The following MRTFA variants were observed in gnomAD, a reference collection of about 807,000 sequenced individuals.
MRTFA encodes myocardin related transcription factor A, also known as myocardin-related transcription factor A.
In MRTFA, 20 loss-of-function variants were observed where a neutral mutation model predicts 83.5. The observed-to-expected ratio is 0.24, with a 90% confidence interval of 0.17 to 0.35. MRTFA has a LOEUF of 0.35. Ranked by LOEUF, MRTFA falls within the 10% of genes least tolerant of loss-of-function variation. The pLI, the probability that MRTFA is intolerant of heterozygous loss-of-function variation, is 1.00. For synonymous variants in MRTFA, 659 were observed against 541.2 expected, an observed-to-expected ratio of 1.22 and a Z score of -3.02; for missense variants, 1,200 against 1,224.7, an observed-to-expected ratio of 0.98 and a Z score of 0.30.
At chr22:40,565,585 T>G (rs866780138) in intron 2 of MRTFA, among the ~76,000 whole-genome samples, 7 of 152,126 alleles carry the variant, frequency 4.6e-5, no homozygotes, top group African/African-American at 1.7e-4. Context: ...GGGGTAGACC[T>G]GACTTTCATT....
intron 3 of MRTFA, among the ~76,000 whole-genome samples, chr22:40,534,649 C>T (rs1284452251): frequency 6.6e-6 from 1 of 152,172 alleles, no homozygotes; most frequent in Non-Finnish European, 1.5e-5. Flanking sequence ...GCTGGGATTA[C>T]AGGCATGAGC....
chr22:40,501,992 C>A (rs1488915754), intron 3 of MRTFA, among the ~76,000 whole-genome samples: 2 of 127,016 alleles, frequency 1.6e-5, no homozygotes, highest in Admixed American at 7.3e-5. Flanking sequence ...CTGACCCCCC[C>A]ACCTCCCTCC....
intron 4 of MRTFA, among the ~76,000 whole-genome samples, chr22:40,448,749 T>C (rs1361436912): frequency 1.3e-5 from 2 of 152,196 alleles, no homozygotes; most frequent in African/African-American, 4.8e-5. Context: ...TCAAACTCCA[T>C]CCAAAGTTAA....
rs1336125176 is a variant in MRTFA, at chr22:40,416,329, C to T, written c.2578+657G>A. Among the ~76,000 whole-genome samples the T allele has an allele frequency of 2.0e-5, 3 of 152,260 alleles. No individual in the cohort carries two copies. The highest frequency in any genetic ancestry group is 1.9e-4 in the East Asian group (1 of 5,202). The stretch of plus-strand genomic sequence containing the variant: ...CTGGGCCAAAGCCCAGCTCTCCAGT[C>T]GCCCCCCAACCTGGGGCTCCCTGCT... On this transcript the variant is annotated intron_variant, in intron 14 of 14. Transcript: ENST00000355630. The surrounding 1 kb of genome is among the most constrained non-coding windows in gnomAD (Gnocchi z 4.2).
At chr22:40,519,523 C>T (rs1311181763) in intron 3 of MRTFA, 1 of 1,350,586 alleles carries the variant, frequency 7.4e-7, no homozygotes. Context: ...TTAACTCCAA[C>T]CTCCTTGTGT....
At chr22:40,565,163 C>T (rs79499580) in intron 2 of MRTFA, among the ~76,000 whole-genome samples, 4 of 152,198 alleles carry the variant, frequency 2.6e-5, no homozygotes, top group Admixed American at 1.3e-4. Context: ...TCCCAACAAG[C>T]CCCTACCATG....
At chr22:40,526,136 C>T (rs1388249209) in intron 3 of MRTFA, 4 of 152,192 alleles carry the variant, frequency 2.6e-5, no homozygotes, top group African/African-American at 9.7e-5. Context: ...CCCACTCAGC[C>T]TCCTGTGTAG....
At chr22:40,442,195 G>A (rs1483801453) in intron 4 of MRTFA, among the ~76,000 whole-genome samples, 1 of 152,200 alleles carries the variant, frequency 6.6e-6, no homozygotes, top group Non-Finnish European at 1.5e-5. Flanking sequence ...GAAGGAATAT[G>A]TATTAAGTGT....
At position 40,411,564 on chromosome 22, in the gene MRTFA, G is replaced by A; in HGVS notation, c.2922C>T (p.Ser974=). ...CATCAGCCAGGTCCAGGCCCATGGTGCTGCTGGGCTCAGGAACAAAGTGCA... is the reference window on the plus strand; with the variant it reads ...CATCAGCCAGGTCCAGGCCCATGGTACTGCTGGGCTCAGGAACAAAGTGCA... The change falls in exon 15 of 15, where the codon AGC becomes AGT. Residue 974 remains serine (S), a synonymous_variant. Coordinates refer to ENST00000355630, the MANE Select transcript of MRTFA (RefSeq NM_020831.6). The A allele has an allele frequency of 6.2e-7, 1 of 1,613,842 alleles. No homozygotes were observed. The highest frequency in any genetic ancestry group is 8.5e-7 in the Non-Finnish European group (1 of 1,179,964).
chr22:40,558,910 C>T (rs747996436), intron 2 of MRTFA, among the ~76,000 whole-genome samples: 6 of 151,658 alleles, frequency 4.0e-5, no homozygotes, highest in Admixed American at 1.3e-4. Flanking sequence ...CTCAGCCTCC[C>T]GAGTAGCTGG....
chr22:40,485,369 C>T (rs142820550), intron 3 of MRTFA, among the ~76,000 whole-genome samples: 17 of 152,260 alleles, frequency 1.1e-4, no homozygotes, highest in African/African-American at 2.9e-4. Flanking sequence ...TCTGCCTCTT[C>T]GATGCTTCTC....
In MRTFA at chr22:40,420,463, T is replaced by A. The variant is rs1323649965; in HGVS notation, c.1295A>T (p.Asn432Ile). ...CGGCTTGCCAGTCAGTGAGGTGCTGTTCTGACGTGCCAGCCCACAGGGCCC... is the reference window on the plus strand; with the variant it reads ...CGGCTTGCCAGTCAGTGAGGTGCTGATCTGACGTGCCAGCCCACAGGGCCC... The change falls in exon 11 of 15, where the codon AAC becomes ATC. Residue 432 changes from asparagine to isoleucine, a missense_variant. By Grantham distance (149) the Asn-to-Ile change is moderately radical (BLOSUM62 -3). Transcript: ENST00000355630. The A allele has an allele frequency of 3.1e-6, 5 of 1,613,664 alleles. No homozygotes were observed. In the South Asian group the frequency reaches 4.4e-5, roughly 14 times the overall value.
At chr22:40,414,224 T>A (rs2052627947) in intron 14 of MRTFA, among the ~76,000 whole-genome samples, 1 of 152,118 alleles carries the variant, frequency 6.6e-6, no homozygotes. Context: ...GTGCCTGTAG[T>A]CCCGGCTACT....
At chr22:40,531,294 G>A (rs1202851683) in intron 3 of MRTFA, among the ~76,000 whole-genome samples, 1 of 61,986 alleles carries the variant, frequency 1.6e-5, no homozygotes, top group African/African-American at 6.1e-5. Flanking sequence ...TTAATTTTTT[G>A]TAGAGATGGG....
In MRTFA at chr22:40,506,653, C is replaced by T. The variant is rs147063329; in HGVS notation, c.242-43367G>A. ...AGAATCTTAGGCAAATAATAATTCTCTAAATGGGGGGGTGATGAATCATGA... is the reference window on the plus strand; with the variant it reads ...AGAATCTTAGGCAAATAATAATTCTTTAAATGGGGGGGTGATGAATCATGA... On this transcript the variant is annotated intron_variant, in intron 3 of 14. Coordinates refer to ENST00000355630, the MANE Select transcript of MRTFA (RefSeq NM_020831.6). Among the ~76,000 whole-genome samples the T allele has an allele frequency of 2.9e-3, 446 of 152,304 alleles. 4 individuals carry two copies. Among genetic ancestry groups the T allele is most frequent in the African/African-American group, 0.01 (425 of 41,570 alleles).
chr22:40,518,542 C>T (rs1424420560), intron 3 of MRTFA, among the ~76,000 whole-genome samples: 4 of 151,780 alleles, frequency 2.6e-5, no homozygotes, highest in African/African-American at 7.3e-5. Flanking sequence ...GCCTGTAATG[C>T]CAGCACTTTG....
At chr22:40,508,260 A>G (rs1050352856) in intron 3 of MRTFA, among the ~76,000 whole-genome samples, 6 of 152,068 alleles carry the variant, frequency 3.9e-5, no homozygotes, top group African/African-American at 1.4e-4. Flanking sequence ...CTGTAATTCC[A>G]GCACTTTGGG....
At chr22:40,630,303 G>A (rs2056628611) in intron 1 of MRTFA, among the ~76,000 whole-genome samples, 3 of 152,006 alleles carry the variant, frequency 2.0e-5, no homozygotes, top group Non-Finnish European at 1.5e-5. Flanking sequence ...GCAAGAGAAC[G>A]AGACTCTGTC....
At chr22:40,466,431 G>C (rs2053813122) in intron 3 of MRTFA, among the ~76,000 whole-genome samples, 1 of 152,140 alleles carries the variant, frequency 6.6e-6, no homozygotes, top group Non-Finnish European at 1.5e-5. Flanking sequence ...AAAGGTACTG[G>C]AACTAGGATT....
Sources: gnomAD v4.1 joint callset for allele counts (sites outside exome capture counted in the v4.1 genomes callset) on GRCh38, gnomAD v4.1.1 for gene constraint, Gnocchi (gnomAD v3.1) non-coding constraint, MANE v1.5 for transcripts, NCBI Gene and HGNC (gene_info 2026-07-23, HGNC 2026-07-21) for gene names.